The following ULK4 variants were observed in gnomAD, a reference collection of about 807,000 sequenced individuals.
The protein encoded by ULK4 is inactive serine/threonine-protein kinase ULK4.
A neutral mutation model predicts 160.6 loss-of-function variants in ULK4; 133 were observed. The ratio of observed to expected loss-of-function variants is 0.83; its 90% confidence interval spans 0.72 to 0.96. The LOEUF is 0.96. Ranked by LOEUF, ULK4 falls within the 40% of genes least tolerant of loss-of-function variation. The pLI, the probability that ULK4 is intolerant of heterozygous loss-of-function variation, is 0.00. For missense variants in ULK4, 1,580 were observed against 1,499.5 expected (o/e 1.05, Z -0.89); for synonymous variants, 534 against 539.8 (o/e 0.99, Z 0.15).
At chr3:41,523,524 A>G (rs1678187694) in intron 32 of ULK4, among the ~76,000 whole-genome samples, 1 of 152,214 alleles carries the variant, frequency 6.6e-6, no homozygotes, top group Non-Finnish European at 1.5e-5. Context: ...TTTTATTACA[A>G]TAAAAAATAA....
intron 16 of ULK4, among the ~76,000 whole-genome samples, chr3:41,894,373 G>C (rs1698079686): frequency 6.6e-6 from 1 of 152,034 alleles, no homozygotes; most frequent in Non-Finnish European, 1.5e-5. Flanking sequence ...TGTATAGTAA[G>C]AACTACCCTT....
intron 35 of ULK4, among the ~76,000 whole-genome samples, chr3:41,321,774 C>T (rs895731610): frequency 3.5e-5 from 5 of 144,230 alleles, no homozygotes; most frequent in Non-Finnish European, 7.5e-5. Context: ...AAGGGAAAAA[C>T]GCCTCAAGTG....
At chr3:41,677,226 T>A (rs951707136) in intron 29 of ULK4, among the ~76,000 whole-genome samples, 1 of 150,724 alleles carries the variant, frequency 6.6e-6, no homozygotes, top group Non-Finnish European at 1.5e-5. Context: ...TTGTTTTCTA[T>A]CCAGTCATAC....
At chr3:41,338,874 T>A (rs961760883) in intron 35 of ULK4, among the ~76,000 whole-genome samples, 37 of 152,004 alleles carry the variant, frequency 2.4e-4, no homozygotes, top group African/African-American at 8.9e-4. Flanking sequence ...GGCAGACTGA[T>A]ATCCCAGCAC....
intron 35 of ULK4, chr3:41,258,597 G>C (rs1284497348): frequency 6.6e-6 from 1 of 152,110 alleles, no homozygotes; most frequent in Admixed American, 6.6e-5. Flanking sequence ...AGAGGTTCCT[G>C]GACCTGTGAG....
intron 25 of ULK4, among the ~76,000 whole-genome samples, chr3:41,706,391 T>C (rs2036886128): frequency 6.8e-6 from 1 of 146,298 alleles, no homozygotes; most frequent in African/African-American, 2.5e-5. Flanking sequence ...TATATTTATA[T>C]ATATTAAATA....
chr3:41,663,358 AAAG>A (rs2035248403), intron 30 of ULK4, among the ~76,000 whole-genome samples: 1 of 152,206 alleles, frequency 6.6e-6, no homozygotes, highest in Non-Finnish European at 1.5e-5. Flanking sequence ...TCATCTCTTA[AAAG>A]AAGTTATCAT....
intron 31 of ULK4, among the ~76,000 whole-genome samples, chr3:41,605,098 T>C (rs2032310646): frequency 1.3e-5 from 2 of 151,898 alleles, no homozygotes; most frequent in South Asian, 4.2e-4. Context: ...ATTACTTATA[T>C]GACACTAAGT....
rs192780234 is a variant in ULK4, at chr3:41,882,886, T to C, written c.1656+988A>G. 2.7e-3 allele frequency among the ~76,000 whole-genome samples: 418 copies of C among 152,280 alleles called. 6 individuals are homozygous for C. The highest frequency in any genetic ancestry group is 9.2e-3 in the African/African-American group (382 of 41,570). ...TCTCATCTTCCTGGTAATACTGCCC[T>C]AGATGCTCAATCTTTCAGACAAAAA... On this transcript the variant is annotated intron_variant, in intron 17 of 36. Transcript: ENST00000301831.
At chr3:41,844,395 C>T (rs539458868) in intron 17 of ULK4, among the ~76,000 whole-genome samples, 3 of 152,288 alleles carry the variant, frequency 2.0e-5, no homozygotes, top group South Asian at 2.1e-4. Flanking sequence ...GCACACCCTC[C>T]GCAGCCGCTG....
intron 34 of ULK4, among the ~76,000 whole-genome samples, chr3:41,427,864 A>T (rs926388854): frequency 6.1e-4 from 93 of 152,208 alleles, no homozygotes; most frequent in African/African-American, 2.1e-3. Context: ...CTGGCACAAG[A>T]CAAGGATGCC....
chr3:41,490,314 C>CA (rs2084704483), intron 32 of ULK4, among the ~76,000 whole-genome samples: 1 of 152,134 alleles, frequency 6.6e-6, no homozygotes, highest in Non-Finnish European at 1.5e-5. Flanking sequence ...GAGTTCAGCC[C>CA]AGCATTCAAG....
At chr3:41,826,336 A>T (rs915350249) in intron 18 of ULK4, among the ~76,000 whole-genome samples, 2 of 152,200 alleles carry the variant, frequency 1.3e-5, no homozygotes, top group Non-Finnish European at 2.9e-5. Flanking sequence ...AATGGGCTAA[A>T]TGCTCCAATT....
intron 32 of ULK4, among the ~76,000 whole-genome samples, chr3:41,500,399 T>C (rs948507239): frequency 7.6e-6 from 1 of 132,136 alleles, no homozygotes; most frequent in Non-Finnish European, 1.7e-5. Context: ...ATTTCATTGG[T>C]CTGAAGTGGG....
chr3:41,312,291 T>C (rs1321480542), intron 35 of ULK4, among the ~76,000 whole-genome samples: 1 of 152,106 alleles, frequency 6.6e-6, no homozygotes, highest in East Asian at 1.9e-4. Flanking sequence ...TTACAAAAAA[T>C]GATCACATAC....
Position 41,681,594 on chromosome 3 carries a change from G to T in ULK4, c.2892C>A (p.Asn964Lys). The T allele has an allele frequency of 6.2e-7, 1 of 1,613,798 alleles. No individual in the cohort carries two copies. Among genetic ancestry groups the T allele is most frequent in the Non-Finnish European group, 8.5e-7 (1 of 1,179,944 alleles). ...LLSETTSLLV[N>K]QEFGDGKEKA... ...TCTCCTTGCCATCCCCAAACTCCTG[G>T]TTCACGAGTAGAGATGTGGTTTCTG... The change falls in exon 29 of 37, where the codon AAC (asparagine) becomes AAA (lysine). Residue 964 changes from asparagine to lysine, a missense_variant. By Grantham distance (94) the Asn-to-Lys change is moderately conservative (BLOSUM62 0). Coordinates refer to ENST00000301831, the MANE Select transcript of ULK4 (RefSeq NM_017886.4).
In ULK4 at chr3:41,275,181, A is replaced by C. The variant is rs550232576; in HGVS notation, c.3679-25607T>G. On this transcript the variant is annotated intron_variant, in intron 35 of 36. Coordinates refer to ENST00000301831, the MANE Select transcript of ULK4 (RefSeq NM_017886.4). The stretch of plus-strand genomic sequence containing the variant: ...ATAAAGAATGTTTGGACAGTGACAA[A>C]GCAGAGTTACTCATGTGTCATTGCT... 3.3e-5 allele frequency among the ~76,000 whole-genome samples: 5 copies of C among 152,346 alleles called. No individual in the cohort carries two copies. In the South Asian group the frequency reaches 8.3e-4, roughly 25 times the overall value.
chr3:41,530,539 C>T (rs1328693309), intron 32 of ULK4, among the ~76,000 whole-genome samples: 1 of 148,498 alleles, frequency 6.7e-6, no homozygotes, highest in Non-Finnish European at 1.5e-5. Flanking sequence ...ATTGGAGCTA[C>T]CCCCGCCTAA....
chr3:41,772,990 T>C (rs1044175731), intron 21 of ULK4, among the ~76,000 whole-genome samples: 2 of 152,196 alleles, frequency 1.3e-5, no homozygotes, highest in African/African-American at 4.8e-5. Context: ...TCTCAATAGA[T>C]GCAGAAAAGG....
Sources: allele counts gnomAD v4.1 joint callset (sites outside exome capture counted in the v4.1 genomes callset), GRCh38; gene constraint gnomAD v4.1.1; transcripts MANE v1.5; gene names NCBI Gene and HGNC (gene_info 2026-07-23, HGNC 2026-07-21).